Variants in NPHP1 observed in about 807,000 individuals in gnomAD.
The protein encoded by NPHP1 is nephrocystin-1.
A neutral mutation model predicts 90.4 loss-of-function variants in NPHP1; 70 were observed. The ratio of observed to expected loss-of-function variants is 0.77; its 90% confidence interval spans 0.64 to 0.95. The LOEUF (loss-of-function observed/expected upper bound fraction) is 0.95, where lower values mean the gene tolerates loss of function less well. Among genes scored for constraint, NPHP1 ranks in the 40% least tolerant of loss-of-function variants. The pLI, the probability that NPHP1 is intolerant of heterozygous loss-of-function variation, is 0.00. For synonymous variants in NPHP1, 256 were observed against 271.7 expected (o/e 0.94, Z 0.57); for missense variants, 764 against 795.9 (o/e 0.96, Z 0.48).
At chr2:110,170,934 G>C (rs1374171691) in intron 4 of NPHP1, among the ~76,000 whole-genome samples, 1 of 152,108 alleles carries the variant, frequency 6.6e-6, no homozygotes, top group Non-Finnish European at 1.5e-5. Flanking sequence ...GCTGAAAAGA[G>C]GTACGCGGAA....
chr2:110,160,461 A>AT lies in NPHP1; in HGVS notation c.955-207dup, dbSNP rs58635772. On this transcript the variant is annotated intron_variant, in intron 10 of 19. Coordinates refer to ENST00000445609, the MANE Select transcript of NPHP1 (RefSeq NM_001128178.3). The stretch of plus-strand genomic sequence containing the variant: ...TTTTTCATAGAGTTACATTTGAAAT[A>AT]TTGCATTTTTCTTAAATACTTAAAA... Among the ~76,000 whole-genome samples, 58,807 of 151,980 alleles carry AT rather than the reference A, an allele frequency of 0.39. 12,146 individuals are homozygous for AT. The highest frequency in any genetic ancestry group is 0.59 in the East Asian group (3,028 of 5,146).
chr2:110,180,378 G>T (rs184245609), intron 2 of NPHP1, among the ~76,000 whole-genome samples: 1 of 148,252 alleles, frequency 6.7e-6, no homozygotes, highest in East Asian at 2.1e-4. Context: ...AGCTCATGAT[G>T]AGATTTTTTT....
chr2:110,125,843 T>C (rs1679321296), intron 18 of NPHP1, 162 bp from the exon 19 acceptor site: 1 of 679,542 alleles, frequency 1.5e-6, no homozygotes, highest in Non-Finnish European at 2.7e-6. Flanking sequence ...CTATTGCAAA[T>C]GACCCAGCAC....
intron 11 of NPHP1, among the ~76,000 whole-genome samples, chr2:110,157,424 G>A (rs1432896327): frequency 2.6e-5 from 4 of 152,032 alleles, no homozygotes; most frequent in Non-Finnish European, 4.4e-5. Context: ...GAGGATTACC[G>A]TCATAACATA....
chr2:110,180,316 A>C (rs2104618911), intron 2 of NPHP1, among the ~76,000 whole-genome samples: 1 of 152,218 alleles, frequency 6.6e-6, no homozygotes, highest in South Asian at 2.1e-4. Context: ...ATTCAGCATT[A>C]AGTCTTAGAT....
At chr2:110,178,862 C>G (rs1291243668) in intron 3 of NPHP1, 1 of 216,634 alleles carries the variant, frequency 4.6e-6, no homozygotes, top group Non-Finnish European at 9.1e-6. Context: ...GAGACAGGCA[C>G]CAATCCCAAG....
chr2:110,183,032 T>TAA lies in NPHP1; in HGVS notation c.144-3350_144-3349dup, dbSNP rs374215601. On this transcript the variant is annotated intron_variant, in intron 2 of 19. Coordinates refer to ENST00000445609, the MANE Select transcript of NPHP1 (RefSeq NM_001128178.3). The stretch of plus-strand genomic sequence containing the variant: ...AAAACAGACTTTAAGCCAATAAAGA[T>TAA]AAAAAAAAGACAAAGAAGGGCATTA... Among the ~76,000 whole-genome samples the TAA allele has an allele frequency of 1.6e-3, 241 of 151,670 alleles. 1 individual carries two copies. The highest frequency in any genetic ancestry group is 5.6e-3 in the African/African-American group (232 of 41,342).
At chr2:110,187,193 A>G (rs1047739541) in intron 2 of NPHP1, among the ~76,000 whole-genome samples, 5 of 152,148 alleles carry the variant, frequency 3.3e-5, no homozygotes, top group Non-Finnish European at 5.9e-5. Context: ...TGAAGGAGAT[A>G]GAGACATGAA....
intron 11 of NPHP1, among the ~76,000 whole-genome samples, chr2:110,155,226 G>A (rs1349493607): frequency 6.6e-6 from 1 of 152,192 alleles, no homozygotes; most frequent in Non-Finnish European, 1.5e-5. Context: ...GTCAAGAATT[G>A]AGGTTTGGGA....
At chr2:110,179,426 C>T (rs556863480) in intron 3 of NPHP1, among the ~76,000 whole-genome samples, 198 bp downstream of exon 3, 7 of 152,242 alleles carry the variant, frequency 4.6e-5, no homozygotes, top group African/African-American at 9.6e-5. Flanking sequence ...GAACATTTTT[C>T]GGTAGTTGGA....
intron 3 of NPHP1, 123 bp downstream of exon 3, chr2:110,179,501 C>T: frequency 3.3e-6 from 2 of 603,426 alleles, no homozygotes; most frequent in South Asian, 1.7e-5. Flanking sequence ...CCAGCACTGG[C>T]TGCAGTTAGA....
intron 2 of NPHP1, among the ~76,000 whole-genome samples, chr2:110,187,277 A>T (rs12986555): frequency 6.6e-6 from 1 of 152,290 alleles, no homozygotes; most frequent in East Asian, 1.9e-4. Context: ...CACTAGCTAG[A>T]CTAATAAAGA....
At chr2:110,161,183 T>G (rs1336751255) in intron 10 of NPHP1, among the ~76,000 whole-genome samples, 1 of 150,200 alleles carries the variant, frequency 6.7e-6, no homozygotes, top group African/African-American at 2.4e-5. Context: ...CTACTACTAC[T>G]GCTACTACTA....
chr2:110,165,296 A>G, intron 6 of NPHP1, 141 bp from the exon 7 acceptor site: 1 of 693,436 alleles, frequency 1.4e-6, no homozygotes, highest in Admixed American at 2.4e-5. Flanking sequence ...AAGCATCAGT[A>G]CTTTCAGAAA....
rs144741255 is a variant in NPHP1 at position 110,154,138 on chromosome 2, C to T, written c.1084-3882G>A. ...GAATTATGGGGATGGGTCTTTCCTG[C>T]GCTGTTCTTGTGATAGTGAATGAGT... On this transcript the variant is annotated intron_variant, in intron 11 of 19. Transcript: ENST00000445609. Among the ~76,000 whole-genome samples the T allele has an allele frequency of 2.2e-3, 329 of 152,156 alleles. 2 individuals carry two copies. Among genetic ancestry groups the T allele is most frequent in the African/African-American group, 6.2e-3 (256 of 41,520 alleles).
At position 110,150,200 on chromosome 2, in the gene NPHP1, T is replaced by C. The variant is rs1469199028; in HGVS notation, c.1140A>G (p.Thr380=). ...TACTTACCTGGGGAGAAAAGGTCCA[T>C]GTTTTGGGCTTTTTAGGTTGCCATG... ...RATWQPKKPK[T]WTFSPQVTRI... Residue 380 remains threonine, a synonymous_variant, in exon 12 of 20, where the codon ACA becomes ACG. Transcript: ENST00000445609. The C allele has an allele frequency of 6.2e-7, 1 of 1,613,530 alleles. No individual in the cohort carries two copies.
chr2:110,160,174 G>A lies in NPHP1; in HGVS notation c.1036C>T (p.Gln346Ter). The A allele has an allele frequency of 6.2e-7, 1 of 1,612,810 alleles. No homozygotes were observed. The highest frequency in any genetic ancestry group is 8.5e-7 in the Non-Finnish European group (1 of 1,179,008). Residue 346 changes from glutamine to a stop codon, truncating the protein, a stop_gained, in exon 11 of 20, where the codon CAG (glutamine) becomes TAG (stop). Transcript: ENST00000445609. LOFTEE classifies it high-confidence loss of function. ...KMIPLPGMSI[Q>*]VLSRHVRLCL... ...AGGCGTACATGTCTGCTGAGAACCT[G>A]TATGCTCATTCCTGGAAGAGGAATC...
intron 2 of NPHP1, among the ~76,000 whole-genome samples, chr2:110,197,373 G>A (rs566948697): frequency 6.6e-6 from 1 of 152,012 alleles, no homozygotes; most frequent in South Asian, 2.1e-4. Flanking sequence ...AAGAGAAGGG[G>A]AAACATCAAA....
chr2:110,198,626 C>T (rs925099476), intron 2 of NPHP1, among the ~76,000 whole-genome samples: 2 of 152,068 alleles, frequency 1.3e-5, no homozygotes, highest in African/African-American at 4.8e-5. Context: ...TAACAAACGA[C>T]CTGAAGAGAA....
Sources: gnomAD v4.1 joint callset for allele counts (sites outside exome capture counted in the v4.1 genomes callset) on GRCh38, gnomAD v4.1.1 for gene constraint, MANE v1.5 for transcripts, NCBI Gene and HGNC (gene_info 2026-07-23, HGNC 2026-07-21) for gene names.